The following TSNARE1 variants were observed in gnomAD, a reference collection of about 807,000 sequenced individuals.
TSNARE1 encodes t-SNARE domain-containing protein 1.
A neutral mutation model predicts 62.0 loss-of-function variants in TSNARE1; 49 were observed. The observed-to-expected ratio is 0.79, with a 90% CI of 0.63 to 1.00. TSNARE1 has a LOEUF of 1.00. Ranked by LOEUF, TSNARE1 falls within the 50% of genes least tolerant of loss-of-function variation. TSNARE1 has a pLI of 0.00. For synonymous variants in TSNARE1, 328 were observed against 294.4 expected (o/e 1.11, Z -1.17); for missense variants, 755 against 700.1 (o/e 1.08, Z -0.88).
chr8:142,217,949 G>A (rs1815985066), intron 13 of TSNARE1, among the ~76,000 whole-genome samples: 1 of 144,596 alleles, frequency 6.9e-6, no homozygotes, highest in African/African-American at 2.6e-5. Context: ...AGTATGAGCA[G>A]GATCAGGGCT....
At chr8:142,321,177 G>A (rs560302914) in intron 6 of TSNARE1, among the ~76,000 whole-genome samples, 6 of 151,794 alleles carry the variant, frequency 4.0e-5, no homozygotes, top group East Asian at 4.0e-4. Context: ...GGCAGCAGGC[G>A]GAATGGCACT....
chr8:142,354,071 G>A (rs1240088798), intron 2 of TSNARE1, among the ~76,000 whole-genome samples: 4 of 152,152 alleles, frequency 2.6e-5, no homozygotes, highest in Non-Finnish European at 5.9e-5. Flanking sequence ...AGGAGCGGGG[G>A]GTTACCATGG....
intron 12 of TSNARE1, chr8:142,269,954 G>C: frequency 3.0e-6 from 3 of 985,466 alleles, no homozygotes; most frequent in Non-Finnish European, 3.6e-6. Context: ...CCTGCTCTCA[G>C]GGATGCTGTA....
intron 13 of TSNARE1, among the ~76,000 whole-genome samples, chr8:142,220,904 A>G (rs1816180057): frequency 1.3e-5 from 2 of 152,222 alleles, no homozygotes; most frequent in Non-Finnish European, 2.9e-5. Context: ...CTGTGAAATG[A>G]AGGACTGAGG....
chr8:142,250,587 C>G (rs1031276668), intron 12 of TSNARE1, among the ~76,000 whole-genome samples: 3 of 152,198 alleles, frequency 2.0e-5, no homozygotes, highest in Non-Finnish European at 2.9e-5. Context: ...TCGGAGCGTT[C>G]TCATCTGTCT....
chr8:142,236,406 C>G (rs1018722565), intron 12 of TSNARE1, among the ~76,000 whole-genome samples: 1 of 151,946 alleles, frequency 6.6e-6, no homozygotes, highest in Non-Finnish European at 1.5e-5. Flanking sequence ...CCCGAGGTGG[C>G]GTGACCGTCC....
chr8:142,363,653 G>A (rs142339719), intron 1 of TSNARE1, among the ~76,000 whole-genome samples: 138 of 152,172 alleles, frequency 9.1e-4, no homozygotes, highest in Admixed American at 4.8e-3. Context: ...CAGACACCAC[G>A]AACTGGTCCC....
In TSNARE1 at chr8:142,343,782, A is replaced by AGGAGGAGGG. The variant is rs1563952552; in HGVS notation, c.745+183_745+184insCCCTCCTCC. ...GGGAGGAGGGGAGAAGAGGAGGAGG[A>AGGAGGAGGG]GGAGGAGGAGGAGGGGGAGGAGGAG... On this transcript the variant is annotated intron_variant, in intron 4 of 13. Coordinates refer to ENST00000524325, the MANE Select transcript of TSNARE1 (RefSeq NM_145003.5). 2.2e-3 allele frequency among the ~76,000 whole-genome samples: 116 copies of AGGAGGAGGG among 53,486 alleles called. 7 individuals carry two copies. The highest frequency in any genetic ancestry group is 0.017 in the African/African-American group (105 of 6,206). 35.1% of individuals were successfully genotyped at this position (53,486 alleles called of 152,430 possible). A position where few individuals can be genotyped will look rare whatever the true frequency, so the allele number is the denominator to read the frequency against.
intron 9 of TSNARE1, among the ~76,000 whole-genome samples, chr8:142,302,458 CT>C (rs1825943430): frequency 6.6e-6 from 1 of 152,170 alleles, no homozygotes; most frequent in Non-Finnish European, 1.5e-5. Context: ...GTTGCTGGGC[CT>C]GGATCAGAGC....
At chr8:142,340,838 C>T (rs1832488141) in intron 4 of TSNARE1, among the ~76,000 whole-genome samples, 1 of 152,240 alleles carries the variant, frequency 6.6e-6, no homozygotes, top group African/African-American at 2.4e-5. Context: ...GCTCGGACTT[C>T]ACACCCCACG....
chr8:142,243,019 G>A (rs1188851169), intron 12 of TSNARE1, among the ~76,000 whole-genome samples: 1 of 147,890 alleles, frequency 6.8e-6, no homozygotes, highest in African/African-American at 2.5e-5. Context: ...CATCAGGAAA[G>A]TGCAAATTAA....
At chr8:142,273,637 GC>G in intron 12 of TSNARE1, 1 of 985,350 alleles carries the variant, frequency 1.0e-6, no homozygotes, top group Non-Finnish European at 1.2e-6. Context: ...GAGTCTCATG[GC>G]CCCCGACAGA....
intron 11 of TSNARE1, among the ~76,000 whole-genome samples, chr8:142,283,597 T>C (rs1332086850): frequency 8.8e-6 from 1 of 113,400 alleles, no homozygotes; most frequent in African/African-American, 3.8e-5. Flanking sequence ...GAGGCGGGGT[T>C]AGTGTCTGTC....
chr8:142,336,325 A>G (rs1044409164), intron 4 of TSNARE1, among the ~76,000 whole-genome samples: 1 of 151,230 alleles, frequency 6.6e-6, no homozygotes, highest in African/African-American at 2.4e-5. Context: ...CTTGCTCTAC[A>G]GTATATACAA....
intron 1 of TSNARE1, among the ~76,000 whole-genome samples, chr8:142,398,352 C>G (rs1316011731): frequency 6.6e-6 from 1 of 151,102 alleles, no homozygotes; most frequent in Non-Finnish European, 1.5e-5. Flanking sequence ...TAGCCCTGCC[C>G]AAAACATGCC....
At chr8:142,277,321 C>G (rs1820664696) in intron 11 of TSNARE1, 1 of 985,292 alleles carries the variant, frequency 1.0e-6, no homozygotes, top group Non-Finnish European at 1.2e-6. Context: ...CAGACACTCG[C>G]AGAGCAGCAC....
At chr8:142,357,902 G>A (rs1273785353) in intron 1 of TSNARE1, among the ~76,000 whole-genome samples, 5 of 152,372 alleles carry the variant, frequency 3.3e-5, no homozygotes, top group East Asian at 1.9e-4. Flanking sequence ...AAGCCACGGC[G>A]GAGGCTCCAT....
At chr8:142,214,750 T>A (rs150424277) in intron 13 of TSNARE1, among the ~76,000 whole-genome samples, 2 of 152,258 alleles carry the variant, frequency 1.3e-5, no homozygotes, top group African/African-American at 4.8e-5. Context: ...TGCAGCCTCC[T>A]GGTGGGATCC....
intron 11 of TSNARE1, among the ~76,000 whole-genome samples, chr8:142,279,278 G>C (rs1255360709): frequency 1.3e-5 from 2 of 152,226 alleles, no homozygotes; most frequent in Admixed American, 1.3e-4. Flanking sequence ...CCGTGGAGAG[G>C]AAGGCCAGGC....
Sources: allele counts gnomAD v4.1 joint callset (sites outside exome capture counted in the v4.1 genomes callset), GRCh38; gene constraint gnomAD v4.1.1; transcripts MANE v1.5; gene names NCBI Gene and HGNC (gene_info 2026-07-23, HGNC 2026-07-21).